PDSS2: variants seen among roughly 807,000 people sequenced by gnomAD.
PDSS2 encodes the protein decaprenyl diphosphate synthase subunit 2.
A neutral mutation model predicts 44.5 loss-of-function variants in PDSS2; 31 were observed. That is an observed-to-expected ratio of 0.70 (90% CI 0.52 to 0.94). PDSS2 has a LOEUF of 0.94. Ranked by LOEUF, PDSS2 falls within the 40% of genes least tolerant of loss-of-function variation. The pLI, the probability that PDSS2 is intolerant of heterozygous loss-of-function variation, is 0.00. For synonymous variants in PDSS2, 157 were observed against 180.3 expected (o/e 0.87, Z 1.03); for missense variants, 452 against 482.2 (o/e 0.94, Z 0.59).
At chr6:107,353,942 TG>T (rs899450557) in intron 1 of PDSS2, among the ~76,000 whole-genome samples, 15 of 152,294 alleles carry the variant, frequency 9.8e-5, no homozygotes, top group African/African-American at 3.4e-4. Flanking sequence ...GCAACCAACA[TG>T]GTCTTCTTTA....
In PDSS2 at chr6:107,153,214, C is replaced by T. The variant is rs1441622897; in HGVS notation, c.*1405G>A. Reference sequence around the variant, plus strand: ...CTGTCTCCAGATAGGGCTGTAATTACACCACATGAGGAAGAAAGGTAGCTG... The same window carrying T: ...CTGTCTCCAGATAGGGCTGTAATTATACCACATGAGGAAGAAAGGTAGCTG... On this transcript the variant is annotated 3_prime_UTR_variant, in exon 8 of 8. Coordinates refer to ENST00000369037, the MANE Select transcript of PDSS2 (RefSeq NM_020381.4). 3.3e-5 allele frequency: 5 copies of T among 152,590 alleles called. No individual in the cohort carries two copies. The highest frequency in any genetic ancestry group is 2.1e-4 in the South Asian group (1 of 4,832). The allele number at this position is 152,590 out of a possible 1,614,324, so 9.5% of individuals were successfully genotyped here.
At chr6:107,336,518 C>G (rs540836583) in intron 1 of PDSS2, among the ~76,000 whole-genome samples, 70 of 152,180 alleles carry the variant, frequency 4.6e-4, no homozygotes, top group African/African-American at 1.7e-3. Context: ...AATACAGTTA[C>G]ATCACAACAG....
chr6:107,368,045 C>T (rs913896863), intron 1 of PDSS2, among the ~76,000 whole-genome samples: 4 of 151,686 alleles, frequency 2.6e-5, no homozygotes, highest in South Asian at 4.2e-4. Context: ...TCAAGGAGGG[C>T]GGATCATGAG....
intron 4 of PDSS2, among the ~76,000 whole-genome samples, chr6:107,231,916 G>A (rs1376753047): frequency 6.6e-6 from 1 of 150,844 alleles, no homozygotes; most frequent in Non-Finnish European, 1.5e-5. Flanking sequence ...GAGCCGAGAT[G>A]GTGCCATTGC....
At chr6:107,247,293 T>C (rs562045904) in intron 3 of PDSS2, among the ~76,000 whole-genome samples, 7 of 152,344 alleles carry the variant, frequency 4.6e-5, no homozygotes, top group South Asian at 2.1e-4. Flanking sequence ...TGACGCTAAA[T>C]GTCAAAATGA....
chr6:107,162,610 A>ATTTT (rs71012782), intron 7 of PDSS2, among the ~76,000 whole-genome samples: 9,975 of 115,216 alleles, frequency 0.087, 1,041 homozygotes, highest in African/African-American at 0.17. Flanking sequence ...GAATTCCCTA[A>ATTTT]TTTTTTTTTT....
intron 1 of PDSS2, among the ~76,000 whole-genome samples, chr6:107,361,615 A>G (rs181901666): frequency 6.6e-6 from 1 of 152,330 alleles, no homozygotes; most frequent in East Asian, 1.9e-4. Flanking sequence ...AATTAAGGCC[A>G]TCATTACTCA....
intron 3 of PDSS2, among the ~76,000 whole-genome samples, chr6:107,250,556 T>TG (rs956750997): frequency 5.4e-4 from 82 of 151,758 alleles, no homozygotes; most frequent in South Asian, 5.0e-3. Context: ...GGGAGGGTGT[T>TG]GGGGGGGGAA....
chr6:107,275,460 T>A (rs1463275657), intron 2 of PDSS2, among the ~76,000 whole-genome samples: 1 of 152,096 alleles, frequency 6.6e-6, no homozygotes, highest in East Asian at 1.9e-4. Context: ...CATGATCCCC[T>A]TCCATGCCTG....
intron 1 of PDSS2, among the ~76,000 whole-genome samples, chr6:107,410,395 GACAC>G (rs375715793): frequency 6.6e-6 from 1 of 152,092 alleles, no homozygotes; most frequent in African/African-American, 2.4e-5. Flanking sequence ...TGTGCGCGCA[GACAC>G]ACACACACCC....
chr6:107,172,766 A>G (rs1481523709), intron 7 of PDSS2, among the ~76,000 whole-genome samples: 3 of 150,528 alleles, frequency 2.0e-5, no homozygotes, highest in African/African-American at 7.4e-5. Context: ...ACACACACAC[A>G]CATTCTTTTT....
intron 1 of PDSS2, among the ~76,000 whole-genome samples, chr6:107,429,398 T>C (rs1319963432): frequency 6.6e-6 from 1 of 151,998 alleles, no homozygotes; most frequent in African/African-American, 2.4e-5. Flanking sequence ...TCTACCAAAC[T>C]CCCATACAGT....
chr6:107,346,178 T>C (rs1345829819), intron 1 of PDSS2, among the ~76,000 whole-genome samples: 2 of 152,232 alleles, frequency 1.3e-5, no homozygotes, highest in Admixed American at 1.3e-4. Context: ...AGATATGTAC[T>C]TGGAATAAAT....
chr6:107,170,287 T>C (rs1390283321), intron 7 of PDSS2, among the ~76,000 whole-genome samples: 1 of 152,168 alleles, frequency 6.6e-6, no homozygotes, highest in Non-Finnish European at 1.5e-5. Flanking sequence ...AGGCACGGGA[T>C]ATAATCTCCT....
At chr6:107,271,115 G>C (rs539750586) in intron 3 of PDSS2, among the ~76,000 whole-genome samples, 22 of 152,166 alleles carry the variant, frequency 1.4e-4, no homozygotes, top group Middle Eastern at 3.2e-3. Context: ...AGTAGATCCT[G>C]ACACTTCTTC....
intron 1 of PDSS2, among the ~76,000 whole-genome samples, chr6:107,346,953 C>T (rs1778265617): frequency 6.6e-6 from 1 of 152,326 alleles, no homozygotes; most frequent in East Asian, 1.9e-4. Flanking sequence ...CCAGGCAGCA[C>T]ACAACAGAGG....
chr6:107,342,840 C>G (rs1037340164), intron 1 of PDSS2, among the ~76,000 whole-genome samples: 1 of 152,178 alleles, frequency 6.6e-6, no homozygotes, highest in Non-Finnish European at 1.5e-5. Context: ...ACTTCACCAC[C>G]ACCAAGGGAC....
chr6:107,353,217 T>C (rs1392001368), intron 1 of PDSS2, among the ~76,000 whole-genome samples: 1 of 152,174 alleles, frequency 6.6e-6, no homozygotes, highest in Non-Finnish European at 1.5e-5. Flanking sequence ...TGAATGTCTA[T>C]ACAGACACCA....
intron 1 of PDSS2, among the ~76,000 whole-genome samples, chr6:107,446,451 T>G (rs1303768044): frequency 6.6e-6 from 1 of 152,230 alleles, no homozygotes. Context: ...TTGATATTGA[T>G]AGATTGTTAA....
Sources: allele counts gnomAD v4.1 joint callset (sites outside exome capture counted in the v4.1 genomes callset), GRCh38; gene constraint gnomAD v4.1.1; transcripts MANE v1.5; gene names NCBI Gene and HGNC (gene_info 2026-07-23, HGNC 2026-07-21).